LAMC1: variants seen among roughly 807,000 people sequenced by gnomAD.
LAMC1 encodes laminin subunit gamma 1.
In LAMC1, 38 loss-of-function variants were observed where a neutral mutation model predicts 173.6. That is an observed-to-expected ratio of 0.22 (90% CI 0.17 to 0.29). The LOEUF is 0.29. Ranked by LOEUF, LAMC1 falls within the 10% of genes least tolerant of loss-of-function variation. The pLI, the probability that LAMC1 is intolerant of heterozygous loss-of-function variation, is 1.00. For missense variants in LAMC1, 1,824 were observed against 2,051.8 expected, an observed-to-expected ratio of 0.89 and a Z score of 2.14; for synonymous variants, 746 against 749.1, an observed-to-expected ratio of 1.00 and a Z score of 0.07.
intron 1 of LAMC1, among the ~76,000 whole-genome samples, chr1:183,079,649 T>G (rs753044201): frequency 2.0e-5 from 3 of 152,160 alleles, no homozygotes; most frequent in Non-Finnish European, 2.9e-5. Flanking sequence ...CTATTCCCAT[T>G]GTTTTAACAA....
chr1:183,127,682 A>G (rs1242802698), intron 17 of LAMC1, among the ~76,000 whole-genome samples: 1 of 152,230 alleles, frequency 6.6e-6, no homozygotes, highest in Non-Finnish European at 1.5e-5. Context: ...GATCTGATGG[A>G]TACAAAGGAA....
chr1:183,128,683 C>T lies in LAMC1; in HGVS notation c.3213C>T (p.Phe1071=), dbSNP rs148273647. 241 of 1,613,550 alleles carry T rather than the reference C, an allele frequency of 1.5e-4. 4 individuals are homozygous for T. The South Asian group carries it at 2.2e-3, about 15-fold the overall frequency. The change falls in exon 18 of 28, where the codon TTC becomes TTT. Residue 1071 remains phenylalanine, a synonymous_variant. Transcript: ENST00000258341. ...TGDEMVTDQA[F]EDRLKEAERE... is the part of the protein sequence containing the mutation. ...ATGAGATGGTGACAGATCAAGCCTT[C>T]GAGGATAGACTAAAGGAAGCAGAGA...
In LAMC1 at chr1:183,128,242, G is replaced by A. The variant is rs1008717366; in HGVS notation, c.3124-352G>A. On this transcript the variant is annotated intron_variant, in intron 17 of 27. Coordinates refer to ENST00000258341, the MANE Select transcript of LAMC1 (RefSeq NM_002293.4). ...AATCTGACACTCAAGGGAGAGGTCAGAGCTTAAGACTCATCAGCATACAGT... is the reference window on the plus strand; with the variant it reads ...AATCTGACACTCAAGGGAGAGGTCAAAGCTTAAGACTCATCAGCATACAGT... Among the ~76,000 whole-genome samples the A allele has an allele frequency of 2.4e-4, 37 of 152,292 alleles. 1 individual carries two copies. The highest frequency in any genetic ancestry group is 8.4e-4 in the African/African-American group (35 of 41,548).
chr1:183,129,703 G>C (rs932502805), intron 18 of LAMC1, among the ~76,000 whole-genome samples: 3 of 151,864 alleles, frequency 2.0e-5, no homozygotes, highest in African/African-American at 7.3e-5. Flanking sequence ...AATAATAACA[G>C]ACTTATATTT....
At position 183,121,720 on chromosome 1, in the gene LAMC1, C is replaced by T. The variant is rs754714549; in HGVS notation, c.1991-3C>T. On this transcript the variant is annotated splice_region_variant and splice_polypyrimidine_tract_variant and intron_variant, in intron 11 of 27. Transcript: ENST00000258341. ...GTGATTTTCTTTTCCTCACTATACA[C>T]AGGTGCTGGATATTTGGATGATGTC... 3.1e-6 allele frequency: 5 copies of T among 1,612,484 alleles called. No homozygotes were observed. The highest frequency in any genetic ancestry group is 2.2e-5 in the East Asian group (1 of 44,866).
Position 183,136,433 on chromosome 1 carries a change from C to G in LAMC1, c.4162C>G (p.Leu1388Val). The change falls in exon 25 of 28, where the codon CTA (leucine) becomes GTA (valine). Residue 1388 changes from leucine (L) to valine (V), a missense_variant. By Grantham distance (32) the Leu-to-Val change is conservative. Coordinates refer to ENST00000258341, the MANE Select transcript of LAMC1 (RefSeq NM_002293.4). ...NDNKTAAEEA[L>V]RKIPAINQTI... ...TAACAAGACGGCCGCAGAGGAGGCA[C>G]TAAGGAAGATTCCTGCCATCAACCA... 1 of 1,614,188 alleles carries G rather than the reference C, an allele frequency of 6.2e-7. No homozygotes were observed. Among genetic ancestry groups the G allele is most frequent in the Non-Finnish European group, 8.5e-7 (1 of 1,180,032 alleles).
intron 1 of LAMC1, among the ~76,000 whole-genome samples, chr1:183,069,207 A>C (rs1182817496): frequency 6.6e-6 from 1 of 152,194 alleles, no homozygotes; most frequent in African/African-American, 2.4e-5. Context: ...GCATATAAGC[A>C]TTTTAACTTG....
intron 4 of LAMC1, among the ~76,000 whole-genome samples, chr1:183,114,177 C>G (rs942103559): frequency 3.9e-5 from 6 of 152,214 alleles, no homozygotes; most frequent in Non-Finnish European, 7.3e-5. Flanking sequence ...TCAAGCGATT[C>G]TCTTGCCTCA....
chr1:183,085,887 C>T (rs2102054665), intron 1 of LAMC1, among the ~76,000 whole-genome samples: 1 of 152,202 alleles, frequency 6.6e-6, no homozygotes, highest in African/African-American at 2.4e-5. Flanking sequence ...CTCTTTTTCT[C>T]CTTCTCATAT....
At chr1:183,075,257 T>G (rs1655096773) in intron 1 of LAMC1, among the ~76,000 whole-genome samples, 1 of 151,850 alleles carries the variant, frequency 6.6e-6, no homozygotes, top group Non-Finnish European at 1.5e-5. Context: ...CCCAAGTAGC[T>G]GAGACTGCTG....
At chr1:183,120,982 G>A (rs1354133892) in intron 11 of LAMC1, among the ~76,000 whole-genome samples, 1 of 152,144 alleles carries the variant, frequency 6.6e-6, no homozygotes, top group Non-Finnish European at 1.5e-5. Flanking sequence ...CTTAATGGCT[G>A]TAGACATAAA....
intron 5 of LAMC1, 136 bp downstream of exon 5, chr1:183,114,855 G>A: frequency 1.2e-6 from 1 of 861,718 alleles, no homozygotes; most frequent in Non-Finnish European, 1.8e-6. Context: ...AATCAGTCAA[G>A]ATCTGTCTCT....
chr1:183,045,933 A>C (rs1212117091), intron 1 of LAMC1, among the ~76,000 whole-genome samples: 2 of 151,904 alleles, frequency 1.3e-5, no homozygotes, highest in African/African-American at 4.8e-5. Flanking sequence ...CTCTCCGCAA[A>C]ATGTCTCATC....
At chr1:183,033,700 A>T (rs887472823) in intron 1 of LAMC1, among the ~76,000 whole-genome samples, 6 of 150,794 alleles carry the variant, frequency 4.0e-5, no homozygotes, top group African/African-American at 1.5e-4. Context: ...AGAAACTTTT[A>T]TTTTTTTTTG....
chr1:183,103,967 A>G (rs1207152304), intron 2 of LAMC1, among the ~76,000 whole-genome samples: 1 of 108,876 alleles, frequency 9.2e-6, no homozygotes, highest in Non-Finnish European at 2.1e-5. Context: ...CCTTTTGAAG[A>G]GAACATTTGA....
At chr1:183,127,712 T>A (rs1656659711) in intron 17 of LAMC1, among the ~76,000 whole-genome samples, 1 of 152,044 alleles carries the variant, frequency 6.6e-6, no homozygotes, top group Non-Finnish European at 1.5e-5. Flanking sequence ...TGAAAAGTAA[T>A]GGTAGGTTTG....
At chr1:183,110,451 G>C (rs1385188234) in intron 3 of LAMC1, 37 bp from the exon 4 acceptor site, 2 of 1,542,868 alleles carry the variant, frequency 1.3e-6, no homozygotes, top group South Asian at 2.4e-5. Flanking sequence ...GGACTTTGCA[G>C]CTGTTCCATT....
chr1:183,122,606 G>A (rs1656507033), intron 13 of LAMC1, among the ~76,000 whole-genome samples: 1 of 152,120 alleles, frequency 6.6e-6, no homozygotes, highest in South Asian at 2.1e-4. Context: ...ATTTCCACTT[G>A]GATGGTGGGC....
intron 1 of LAMC1, among the ~76,000 whole-genome samples, chr1:183,087,885 C>T (rs1233873300): frequency 2.0e-5 from 3 of 151,198 alleles, no homozygotes; most frequent in African/African-American, 7.3e-5. Flanking sequence ...GCGATGTCGG[C>T]TCACCACAAC....
Sources: gnomAD v4.1 joint callset for allele counts (sites outside exome capture counted in the v4.1 genomes callset) on GRCh38, gnomAD v4.1.1 for gene constraint, MANE v1.5 for transcripts, NCBI Gene and HGNC (gene_info 2026-07-23, HGNC 2026-07-21) for gene names.